Variants in SAMTOR observed in about 807,000 individuals in gnomAD.
The protein encoded by SAMTOR is S-adenosylmethionine sensor upstream of mTORC1.
chr7:112,939,719 G>A, the SAMTOR span: 1 of 1,607,436 alleles, frequency 6.2e-7, no homozygotes, highest in South Asian at 1.1e-5. Flanking sequence ...CTGCGCACGA[G>A]CAGTATTTCG....
the SAMTOR span, among the ~76,000 whole-genome samples, chr7:112,905,641 T>C: frequency 6.6e-6 from 1 of 152,154 alleles, no homozygotes; most frequent in African/African-American, 2.4e-5. Flanking sequence ...ACTAATATAA[T>C]TCACTATATT....
chr7:112,829,391 A>G, the SAMTOR span, among the ~76,000 whole-genome samples: 1 of 152,226 alleles, frequency 6.6e-6, no homozygotes, highest in Non-Finnish European at 1.5e-5. Flanking sequence ...GTATTGAAGC[A>G]TAACACATAT....
the SAMTOR span, among the ~76,000 whole-genome samples, chr7:112,861,519 T>C: frequency 2.0e-5 from 3 of 152,216 alleles, no homozygotes; most frequent in Non-Finnish European, 2.9e-5. Flanking sequence ...GTGATTTTTA[T>C]AGACATATAG....
At chr7:112,910,446 T>C in the SAMTOR span, among the ~76,000 whole-genome samples, 4 of 152,212 alleles carry the variant, frequency 2.6e-5, no homozygotes, top group Non-Finnish European at 5.9e-5. Context: ...AATAATTGTT[T>C]TGTAACCCCA....
At chr7:112,899,639 T>C in the SAMTOR span, among the ~76,000 whole-genome samples, 10 of 151,934 alleles carry the variant, frequency 6.6e-5, no homozygotes, top group East Asian at 1.9e-4. Flanking sequence ...CAAACTCTTA[T>C]AGGTTAAGGA....
the SAMTOR span, among the ~76,000 whole-genome samples, chr7:112,839,804 C>A: frequency 4.3e-4 from 66 of 151,822 alleles, no homozygotes; most frequent in African/African-American, 1.6e-3. Context: ...TTCATATATG[C>A]ATACGATACT....
chr7:112,912,403 G>C, the SAMTOR span, among the ~76,000 whole-genome samples: 3 of 151,590 alleles, frequency 2.0e-5, no homozygotes, highest in Non-Finnish European at 4.4e-5. Flanking sequence ...TTCTGTCCTT[G>C]GCAGGATAAT....
chr7:112,939,473 G>T, the SAMTOR span: 1 of 1,463,466 alleles, frequency 6.8e-7, no homozygotes, highest in Non-Finnish European at 9.2e-7. Flanking sequence ...AGCAGCGGCT[G>T]GGGGGACGTG....
the SAMTOR span, among the ~76,000 whole-genome samples, chr7:112,903,299 C>G: frequency 6.8e-6 from 1 of 146,060 alleles, no homozygotes; most frequent in Non-Finnish European, 1.5e-5. Flanking sequence ...GTAACAACAG[C>G]GAAACTGTCT....
the SAMTOR span, among the ~76,000 whole-genome samples, chr7:112,904,258 G>C: frequency 2.6e-5 from 4 of 151,954 alleles, no homozygotes; most frequent in South Asian, 8.3e-4. Flanking sequence ...ATTATACATG[G>C]AATAGTCACA....
chr7:112,832,815 T>C, the SAMTOR span: 1 of 588,334 alleles, frequency 1.7e-6, no homozygotes, highest in African/African-American at 1.9e-5. Context: ...AGCTTTCATT[T>C]CTGTGAGTTA....
At chr7:112,884,693 C>A in the SAMTOR span, among the ~76,000 whole-genome samples, 1 of 152,196 alleles carries the variant, frequency 6.6e-6, no homozygotes, top group Admixed American at 6.5e-5. Context: ...CAGCCCCTCT[C>A]CTGGCTGCTT....
At chr7:112,863,082 CAT>C in the SAMTOR span, among the ~76,000 whole-genome samples, 1 of 152,024 alleles carries the variant, frequency 6.6e-6, no homozygotes, top group Non-Finnish European at 1.5e-5. Context: ...TAAAAAAATA[CAT>C]ATATATAGGC....
chr7:112,910,408 A>G, the SAMTOR span, among the ~76,000 whole-genome samples: 2 of 152,172 alleles, frequency 1.3e-5, no homozygotes, highest in Non-Finnish European at 2.9e-5. Context: ...GCCAGCTAAT[A>G]AATGTCAAGA....
the SAMTOR span, among the ~76,000 whole-genome samples, chr7:112,886,657 T>C: frequency 6.6e-6 from 1 of 152,164 alleles, no homozygotes; most frequent in East Asian, 1.9e-4. Context: ...TTTTTTTACT[T>C]TGAACAATAA....
At chr7:112,932,228 T>C in the SAMTOR span, among the ~76,000 whole-genome samples, 1 of 152,250 alleles carries the variant, frequency 6.6e-6, no homozygotes, top group East Asian at 1.9e-4. Flanking sequence ...CCCAGCTCAC[T>C]ATTACCATTT....
the SAMTOR span, among the ~76,000 whole-genome samples, chr7:112,866,752 T>A: frequency 6.6e-6 from 1 of 152,210 alleles, no homozygotes; most frequent in African/African-American, 2.4e-5. Context: ...CATTCTCCAC[T>A]ATAGGTCCCA....
the SAMTOR span, among the ~76,000 whole-genome samples, chr7:112,930,994 C>T: frequency 5.2e-3 from 794 of 152,286 alleles, 24 homozygotes; most frequent in Admixed American, 0.04. Context: ...ACTCTACTAA[C>T]CACAAACAAA....
the SAMTOR span, among the ~76,000 whole-genome samples, chr7:112,897,092 G>C: frequency 6.6e-6 from 1 of 152,124 alleles, no homozygotes; most frequent in Non-Finnish European, 1.5e-5. Flanking sequence ...AAGATCCACA[G>C]GCCAATTTTA....
Sources: gnomAD v4.1 joint callset for allele counts (sites outside exome capture counted in the v4.1 genomes callset) on GRCh38, gnomAD v4.1.1 for gene constraint, MANE v1.5 for transcripts, NCBI Gene and HGNC (gene_info 2026-07-23, HGNC 2026-07-21) for gene names.